The following PACS1 variants were observed in gnomAD, a reference collection of about 807,000 sequenced individuals.
PACS1 encodes the protein PACS-1.
A neutral mutation model predicts 115.0 loss-of-function variants in PACS1; 24 were observed. The observed-to-expected ratio is 0.21, with a 90% CI of 0.15 to 0.29. PACS1 has a LOEUF of 0.29. PACS1 is among the 10% of genes least tolerant of loss of function. The pLI is 1.00. For missense variants in PACS1, 838 were observed against 1,251.2 expected (o/e 0.67, Z 4.98); for synonymous variants, 453 against 504.5 (o/e 0.90, Z 1.37).
intron 1 of PACS1, among the ~76,000 whole-genome samples, chr11:66,165,900 T>C (rs934845416): frequency 3.9e-5 from 6 of 152,146 alleles, no homozygotes; most frequent in African/African-American, 1.4e-4. Context: ...CCAGCTTTAC[T>C]ACTGCTTCAG....
Position 66,233,012 on chromosome 11 carries a change from C to T in PACS1, c.1784C>T (p.Ser595Phe). ...CGGAAGCCTGTGGTGTGCACCTGCT[C>T]CACCGTGGAGGTCCAGGCCGTGCTG... ...DQRKPVVCTC[S>F]TVEVQAVLSA... Residue 595 changes from serine (S) to phenylalanine (F), a missense_variant, in exon 15 of 24, where the codon TCC (serine) becomes TTC (phenylalanine). Physicochemically the swap from Ser to Phe is radical, Grantham distance 155 (BLOSUM62 -2). Around this residue, in one of 6 missense-constraint regions of PACS1, gnomAD observed 383 missense variants for 537.0 expected, o/e 0.71. Coordinates refer to ENST00000320580, the MANE Select transcript of PACS1 (RefSeq NM_018026.4). This position sits in a 1 kb window ranked among gnomAD's most constrained non-coding sequence, Gnocchi z 4.5. The T allele has an allele frequency of 6.2e-7, 1 of 1,612,566 alleles. No homozygotes were observed. Among genetic ancestry groups the T allele is most frequent in the Non-Finnish European group, 8.5e-7 (1 of 1,179,988 alleles).
At position 66,220,808 on chromosome 11, in the gene PACS1, G is replaced by A. The variant is rs767632952; in HGVS notation, c.1199+17G>A. On this transcript the variant is annotated intron_variant, in intron 9 of 23. Transcript: ENST00000320580. Reference sequence around the variant, plus strand: ...CAAGCTCAAGTGAGCCCCCCTCTCTGTAGCTGGCCTCCAGACTCTCCTTCC... The same window carrying A: ...CAAGCTCAAGTGAGCCCCCCTCTCTATAGCTGGCCTCCAGACTCTCCTTCC... 6.2e-7 allele frequency: 1 copy of A among 1,611,866 alleles called. No individual in the cohort carries two copies. The highest frequency in any genetic ancestry group is 1.7e-5 in the Admixed American group (1 of 59,744).
At chr11:66,109,915 G>C (rs1269416434) in intron 1 of PACS1, among the ~76,000 whole-genome samples, 1 of 152,176 alleles carries the variant, frequency 6.6e-6, no homozygotes, top group East Asian at 1.9e-4. Context: ...TGAAATTACA[G>C]TTACTGATGC....
chr11:66,205,064 A>G lies in PACS1; in HGVS notation c.445-5298A>G, dbSNP rs1365318837. 3.3e-5 allele frequency among the ~76,000 whole-genome samples: 5 copies of G among 152,052 alleles called. No individual in the cohort carries two copies. In the East Asian group the frequency reaches 9.7e-4, roughly 29 times the overall value. On this transcript the variant is annotated intron_variant, in intron 2 of 23. Transcript: ENST00000320580. ...CAATGGCGCAATCTCAGCTCACTGC[A>G]ACCTCCACCTCCCAGGTTCAAGCGA... is the stretch of plus-strand genomic sequence containing the variant.
chr11:66,204,760 G>C (rs1357237399), intron 2 of PACS1, among the ~76,000 whole-genome samples: 1 of 152,144 alleles, frequency 6.6e-6, no homozygotes, highest in African/African-American at 2.4e-5. Context: ...TAAAGTCATG[G>C]AGATAGTCTA....
intron 1 of PACS1, among the ~76,000 whole-genome samples, chr11:66,091,724 A>G (rs1374639215): frequency 7.0e-6 from 1 of 143,200 alleles, no homozygotes; most frequent in South Asian, 2.2e-4. Context: ...TCCTGTGTCC[A>G]TGTGTTCTCA....
At chr11:66,141,376 A>G (rs1323519595) in intron 1 of PACS1, among the ~76,000 whole-genome samples, 2 of 152,080 alleles carry the variant, frequency 1.3e-5, no homozygotes, top group East Asian at 1.9e-4. Context: ...ATTGTAGGCC[A>G]GGCACTGTTG....
Position 66,211,175 on chromosome 11 carries a change from C to G in PACS1, c.576C>G (p.Ile192Met). The G allele has an allele frequency of 6.2e-7, 1 of 1,613,756 alleles. No homozygotes were observed. The highest frequency in any genetic ancestry group is 8.5e-7 in the Non-Finnish European group (1 of 1,179,720). The part of the protein sequence containing the change: ...FLKRDANKLQ[I>M]MLQRRKRYKN... ...AGCGAGATGCCAACAAGCTGCAGAT[C>G]ATGCTGCAAAGGAGAAAACGTTACA... Residue 192 changes from isoleucine to methionine, a missense_variant, in exon 4 of 24, where the codon ATC becomes ATG. Physicochemically the swap from Ile to Met is conservative, Grantham distance 10. Coordinates refer to ENST00000320580, the MANE Select transcript of PACS1 (RefSeq NM_018026.4).
chr11:66,183,353 C>T (rs1860048563), intron 1 of PACS1, among the ~76,000 whole-genome samples: 1 of 152,146 alleles, frequency 6.6e-6, no homozygotes, highest in Non-Finnish European at 1.5e-5. Flanking sequence ...AATGTTTTTA[C>T]TCTCACAAAG....
intron 2 of PACS1, among the ~76,000 whole-genome samples, chr11:66,193,933 G>A (rs949615797): frequency 6.6e-6 from 1 of 152,168 alleles, no homozygotes; most frequent in Admixed American, 6.5e-5. Flanking sequence ...GATCCAGGTA[G>A]ATGCACGGGT....
intron 2 of PACS1, among the ~76,000 whole-genome samples, chr11:66,206,725 C>T (rs903952574): frequency 2.4e-4 from 36 of 152,056 alleles, no homozygotes; most frequent in Admixed American, 5.2e-4. Flanking sequence ...GGATTCCCTA[C>T]GGTGGTCACG....
At chr11:66,133,214 C>T (rs1440608031) in intron 1 of PACS1, among the ~76,000 whole-genome samples, 1 of 152,204 alleles carries the variant, frequency 6.6e-6, no homozygotes, top group Non-Finnish European at 1.5e-5. Flanking sequence ...CACCTGTCTT[C>T]GTATAGCCAT....
At chr11:66,207,444 T>A (rs1328679466) in intron 2 of PACS1, among the ~76,000 whole-genome samples, 1 of 152,206 alleles carries the variant, frequency 6.6e-6, no homozygotes, top group African/African-American at 2.4e-5. Flanking sequence ...TCCAGCCTAG[T>A]CGACAGAGCA....
At chr11:66,189,555 T>TG (rs1407462558) in intron 1 of PACS1, among the ~76,000 whole-genome samples, 2 of 152,240 alleles carry the variant, frequency 1.3e-5, no homozygotes, top group Non-Finnish European at 2.9e-5. Context: ...CTTTTCCCGC[T>TG]GCGCTGTGTA....
intron 1 of PACS1, among the ~76,000 whole-genome samples, chr11:66,169,300 A>G (rs1859682795): frequency 6.6e-6 from 1 of 150,514 alleles, no homozygotes; most frequent in East Asian, 1.9e-4. Flanking sequence ...ATGATAATAT[A>G]TTTTGTCCTT....
chr11:66,238,943 G>A (rs1327241258), intron 20 of PACS1, 97 bp downstream of exon 20: 2 of 1,394,682 alleles, frequency 1.4e-6, no homozygotes, highest in Admixed American at 4.0e-5. Flanking sequence ...TGGATGCCCT[G>A]AGGGAAGTCA....
At chr11:66,079,995 GCT>G (rs1265010809) in intron 1 of PACS1, among the ~76,000 whole-genome samples, 1 of 152,142 alleles carries the variant, frequency 6.6e-6, no homozygotes, top group Non-Finnish European at 1.5e-5. Flanking sequence ...TCACTGACCT[GCT>G]ACCTTGGAAG....
chr11:66,079,669 C>T (rs1472357416), intron 1 of PACS1, among the ~76,000 whole-genome samples: 1 of 152,136 alleles, frequency 6.6e-6, no homozygotes, highest in Non-Finnish European at 1.5e-5. Context: ...TCAGCAAAAG[C>T]TTATAGACCA....
At chr11:66,134,248 C>CTTTTT (rs1554980598) in intron 1 of PACS1, among the ~76,000 whole-genome samples, 1 of 86,546 alleles carries the variant, frequency 1.2e-5, no homozygotes, top group African/African-American at 3.7e-5. Flanking sequence ...TTTTCTTTTT[C>CTTTTT]TTTTTCTTTT....
Sources: allele counts gnomAD v4.1 joint callset (sites outside exome capture counted in the v4.1 genomes callset), GRCh38; gene constraint gnomAD v4.1.1; regional missense constraint gnomAD v4.1.1; non-coding constraint Gnocchi (gnomAD v3.1); transcripts MANE v1.5; gene names NCBI Gene and HGNC (gene_info 2026-07-23, HGNC 2026-07-21).